The following NEBL variants were observed in gnomAD, a reference collection of about 807,000 sequenced individuals.
NEBL encodes LIM and SH3 protein 2.
In NEBL, 122 loss-of-function variants were observed where a neutral mutation model predicts 140.2. The observed-to-expected ratio is 0.87, with a 90% CI of 0.75 to 1.01. The LOEUF (loss-of-function observed/expected upper bound fraction) is 1.01, where lower values mean the gene tolerates loss of function less well. Among genes scored for constraint, NEBL ranks in the 50% least tolerant of loss-of-function variants. The pLI is 0.00. For synonymous variants in NEBL, 436 were observed against 398.9 expected (o/e 1.09, Z -1.11); for missense variants, 1,365 against 1,231.3 (o/e 1.11, Z -1.62).
chr10:20,908,984 TG>T (rs1413080302), intron 4 of NEBL, among the ~76,000 whole-genome samples: 1 of 152,168 alleles, frequency 6.6e-6, no homozygotes, highest in Non-Finnish European at 1.5e-5. Flanking sequence ...ATAAAATTTG[TG>T]TTTGTGGCAC....
intron 12 of NEBL, among the ~76,000 whole-genome samples, chr10:20,844,758 T>G (rs924724700): frequency 2.0e-5 from 3 of 152,024 alleles, no homozygotes; most frequent in African/African-American, 7.2e-5. Flanking sequence ...TATCCAGACC[T>G]TCACATGTGA....
chr10:20,823,297 T>G lies in NEBL; in HGVS notation c.1873A>C (p.Lys625Gln). Residue 625 changes from lysine to glutamine, a missense_variant, in exon 19 of 28, where the codon AAA (lysine) becomes CAA (glutamine). Lys to Gln is a moderately conservative substitution (Grantham distance 53). Transcript: ENST00000377122. ...KKNQQNISSV[K>Q]YKEEIKHATA... The stretch of plus-strand genomic sequence containing the variant: ...GCATGTTTAATCTCTTCTTTGTATT[T>G]CACCTGCATAATTTATAAGAATATA... The G allele has an allele frequency of 1.9e-6, 3 of 1,598,152 alleles. No homozygotes were observed. Among genetic ancestry groups the G allele is most frequent in the Non-Finnish European group, 2.6e-6 (3 of 1,169,020 alleles).
At position 20,943,429 on chromosome 10, in the gene NEBL, G is replaced by A. The variant is rs7478163; in HGVS notation, c.357+18243C>T. Among the ~76,000 whole-genome samples the A allele has an allele frequency of 7.6e-3, 1,159 of 152,212 alleles. 10 individuals carry two copies. Among genetic ancestry groups the A allele is most frequent in the African/African-American group, 0.024 (1,010 of 41,528 alleles). On this transcript the variant is annotated intron_variant, in intron 4 of 6. Transcript: ENST00000417816. ...CACAGGAAGGGGAACATCACACACC[G>A]CGGCCTGTGGTGGGTTGGGGAGAGT...
At chr10:20,962,609 A>G (rs1007444513) in intron 3 of NEBL, among the ~76,000 whole-genome samples, 24 of 152,242 alleles carry the variant, frequency 1.6e-4, no homozygotes, top group Non-Finnish European at 2.8e-4. Context: ...TGTTATTAGC[A>G]TAATGACAAT....
intron 3 of NEBL, among the ~76,000 whole-genome samples, chr10:21,014,351 G>A (rs1838473495): frequency 6.6e-6 from 1 of 151,986 alleles, no homozygotes; most frequent in South Asian, 2.1e-4. Flanking sequence ...TGAGAGTAAG[G>A]GCCTCATCTG....
At chr10:21,286,901 T>G (rs1250962094) in intron 1 of NEBL, among the ~76,000 whole-genome samples, 1 of 150,480 alleles carries the variant, frequency 6.6e-6, no homozygotes, top group Non-Finnish European at 1.5e-5. Context: ...GAACAGACAA[T>G]TTGACCTTTG....
intron 3 of NEBL, among the ~76,000 whole-genome samples, chr10:21,241,285 T>A (rs570722996): frequency 1.1e-4 from 16 of 146,308 alleles, no homozygotes; most frequent in East Asian, 5.9e-4. Flanking sequence ...AATAAATAAA[T>A]AAAAATAAAA....
At chr10:20,811,495 C>T (rs1367140354) in intron 24 of NEBL, among the ~76,000 whole-genome samples, 1 of 152,222 alleles carries the variant, frequency 6.6e-6, no homozygotes, top group Non-Finnish European at 1.5e-5. Context: ...CACAACTCAT[C>T]CATCCAACTT....
chr10:21,084,648 G>A (rs1836539342), intron 2 of NEBL, among the ~76,000 whole-genome samples: 1 of 152,118 alleles, frequency 6.6e-6, no homozygotes, highest in African/African-American at 2.4e-5. Context: ...GAAGTCTCTT[G>A]AGGGAAATAA....
chr10:21,216,808 C>T (rs1198702954), intron 3 of NEBL, among the ~76,000 whole-genome samples: 8 of 148,034 alleles, frequency 5.4e-5, no homozygotes, highest in African/African-American at 7.6e-5. Flanking sequence ...AAAAGAAACA[C>T]GAAAACCCAT....
At chr10:21,239,123 T>C (rs1438562398) in intron 3 of NEBL, among the ~76,000 whole-genome samples, 1 of 152,222 alleles carries the variant, frequency 6.6e-6, no homozygotes, top group Non-Finnish European at 1.5e-5. Context: ...TTAATAATTC[T>C]GATAAGCCAA....
intron 3 of NEBL, among the ~76,000 whole-genome samples, chr10:21,202,467 T>TTTTTTTTC (rs1841754387): frequency 2.1e-5 from 3 of 144,466 alleles, no homozygotes; most frequent in African/African-American, 5.2e-5. Flanking sequence ...TTTTCTTTTT[T>TTTTTTTTC]TTTTTTTTTT....
intron 2 of NEBL, among the ~76,000 whole-genome samples, chr10:21,138,322 G>T (rs1839452422): frequency 6.6e-6 from 1 of 151,984 alleles, no homozygotes; most frequent in Non-Finnish European, 1.5e-5. Flanking sequence ...ATGGCTTATG[G>T]ATTCCCACCA....
At chr10:21,096,488 A>AGTGTGTGTGTGTGTGTGT (rs10541564) in intron 2 of NEBL, among the ~76,000 whole-genome samples, 1 of 141,578 alleles carries the variant, frequency 7.1e-6, no homozygotes, top group African/African-American at 2.5e-5. Flanking sequence ...CTTGGTTTTG[A>AGTGTGTGTGTGTGTGTGT]GTGTGTGTGT....
intron 3 of NEBL, among the ~76,000 whole-genome samples, chr10:21,245,239 T>C (rs1344789351): frequency 7.2e-5 from 11 of 152,136 alleles, no homozygotes; most frequent in Admixed American, 7.2e-4. Context: ...AAGGAGAGAA[T>C]ACTCAACCTA....
At chr10:20,998,819 T>A (rs959979746) in intron 3 of NEBL, among the ~76,000 whole-genome samples, 1 of 152,176 alleles carries the variant, frequency 6.6e-6, no homozygotes, top group East Asian at 1.9e-4. Flanking sequence ...ATGAAGTCCC[T>A]TAATTCGATC....
chr10:20,868,346 T>G, intron 7 of NEBL: 1 of 295,866 alleles, frequency 3.4e-6, no homozygotes, highest in South Asian at 4.0e-5. Flanking sequence ...GTGTGTAGGT[T>G]AAAACACAAT....
intron 2 of NEBL, among the ~76,000 whole-genome samples, chr10:21,062,024 A>T (rs1330117653): frequency 6.6e-6 from 1 of 152,258 alleles, no homozygotes; most frequent in Non-Finnish European, 1.5e-5. Flanking sequence ...AAACCCGATG[A>T]AAAGAGCAAA....
intron 2 of NEBL, among the ~76,000 whole-genome samples, chr10:21,143,203 C>A (rs1839725111): frequency 2.0e-5 from 3 of 152,078 alleles, no homozygotes; most frequent in Admixed American, 1.3e-4. Context: ...AATCCCAGCA[C>A]TTTAGGAGGC....
Sources: gnomAD v4.1 joint callset for allele counts (sites outside exome capture counted in the v4.1 genomes callset) on GRCh38, gnomAD v4.1.1 for gene constraint, MANE v1.5 for transcripts, NCBI Gene and HGNC (gene_info 2026-07-23, HGNC 2026-07-21) for gene names.